The following CAMTA1 variants were observed in gnomAD, a reference collection of about 807,000 sequenced individuals.
CAMTA1 encodes the protein calmodulin binding transcription activator 1, also known as calmodulin-binding transcription activator 1.
In CAMTA1, 27 loss-of-function variants were observed where a neutral mutation model predicts 170.9. That is an observed-to-expected ratio of 0.16 (90% confidence interval 0.12 to 0.22). The LOEUF is 0.22. Among genes scored for constraint, CAMTA1 ranks in the 10% least tolerant of loss-of-function variants. CAMTA1 has a pLI of 1.00. For synonymous variants in CAMTA1, 833 were observed against 891.5 expected (o/e 0.93, Z 1.17); for missense variants, 1,619 against 2,217.2 (o/e 0.73, Z 5.42).
At chr1:7,187,216 C>T (rs1312451914) in intron 4 of CAMTA1, among the ~76,000 whole-genome samples, 2 of 152,148 alleles carry the variant, frequency 1.3e-5, no homozygotes, top group East Asian at 3.9e-4. Context: ...AGGAAGCAGT[C>T]CCAGACTCAA....
At position 7,298,754 on chromosome 1, in the gene CAMTA1, T is replaced by C. The variant is rs141251558; in HGVS notation, c.438+49128T>C. Among the ~76,000 whole-genome samples, 221 of 152,304 alleles carry C rather than the reference T, an allele frequency of 1.5e-3. 1 individual carries two copies. Among genetic ancestry groups the C allele is most frequent in the African/African-American group, 5.1e-3 (212 of 41,556 alleles). Reference sequence around the variant, plus strand: ...AAATGCCAGGCATTGTGTTAGGTTCTGAAGCTCTCCCAGTTCCTTATCCAG... The same window carrying C: ...AAATGCCAGGCATTGTGTTAGGTTCCGAAGCTCTCCCAGTTCCTTATCCAG... On this transcript the variant is annotated intron_variant, in intron 5 of 22. Transcript: ENST00000303635.
intron 7 of CAMTA1, 113 bp downstream of exon 7, chr1:7,640,666 C>A (rs2095753689): frequency 8.0e-7 from 1 of 1,254,346 alleles, no homozygotes; most frequent in Non-Finnish European, 1.1e-6. Flanking sequence ...GGAGCCCCAT[C>A]TTGCTGGAAT....
At chr1:7,011,926 C>A (rs1329799843) in intron 3 of CAMTA1, among the ~76,000 whole-genome samples, 1 of 152,204 alleles carries the variant, frequency 6.6e-6, no homozygotes, top group African/African-American at 2.4e-5. Flanking sequence ...TGTCTCTCCG[C>A]CCCACTCCTC....
rs70987362 is a variant in CAMTA1, at chr1:7,680,861, CCAGCAGCAGCAG to C, written c.2914+3139_2914+3150del. On this transcript the variant is annotated intron_variant, in intron 11 of 22. Coordinates refer to ENST00000303635, the MANE Select transcript of CAMTA1 (RefSeq NM_015215.4). This position sits in a 1 kb window ranked among gnomAD's most constrained non-coding sequence, Gnocchi z 4.4. The stretch of plus-strand genomic sequence containing the variant: ...GAGAACACGCGCGCGCGCGCGCGCG[CCAGCAGCAGCAG>C]CAGCAGCAGCTGCTGCGGCGAAGTC... Among the ~76,000 whole-genome samples, 12 of 136,510 alleles carry C rather than the reference CCAGCAGCAGCAG, an allele frequency of 8.8e-5. No homozygotes were observed. The highest frequency in any genetic ancestry group is 1.3e-4 in the Non-Finnish European group (8 of 61,388). 89.6% of individuals were successfully genotyped at this position (136,510 alleles called of 152,430 possible). A position where few individuals can be genotyped will look rare whatever the true frequency, so the allele number is the denominator to read the frequency against.
chr1:7,393,479 T>A (rs548658425), intron 5 of CAMTA1, among the ~76,000 whole-genome samples: 2 of 152,304 alleles, frequency 1.3e-5, no homozygotes, highest in Admixed American at 1.3e-4. Flanking sequence ...GGTCTCCCTA[T>A]GTTGCCCAGG....
At chr1:7,129,137 C>G (rs1055096577) in intron 4 of CAMTA1, among the ~76,000 whole-genome samples, 3 of 152,066 alleles carry the variant, frequency 2.0e-5, no homozygotes, top group African/African-American at 7.2e-5. Flanking sequence ...CACGCCCAGC[C>G]TAGCCCCATT....
chr1:7,459,315 A>G (rs148043418), intron 5 of CAMTA1, among the ~76,000 whole-genome samples: 8 of 152,292 alleles, frequency 5.3e-5, no homozygotes, highest in African/African-American at 1.7e-4. Context: ...GGGTAAGAGG[A>G]ATCCATGTCA....
chr1:7,053,112 T>C (rs1706706203), intron 3 of CAMTA1, among the ~76,000 whole-genome samples: 1 of 152,200 alleles, frequency 6.6e-6, no homozygotes. Flanking sequence ...TGGACCCTCA[T>C]GCTCCTTGCC....
At chr1:6,987,385 G>T (rs2412217) in intron 3 of CAMTA1, among the ~76,000 whole-genome samples, 21,888 of 152,146 alleles carry the variant, frequency 0.14, 1,633 homozygotes, top group East Asian at 0.2. Flanking sequence ...GGCTGGTCTC[G>T]AACTCCTGAC....
At chr1:6,982,234 C>T (rs545848225) in intron 3 of CAMTA1, among the ~76,000 whole-genome samples, 23 of 152,240 alleles carry the variant, frequency 1.5e-4, no homozygotes, top group African/African-American at 4.3e-4. Flanking sequence ...CTGGTAGGTG[C>T]GCCGATGGCC....
chr1:7,738,404 G>A lies in CAMTA1; in HGVS notation c.4104G>A (p.Glu1368=), dbSNP rs1440619796. The change falls in exon 16 of 23, where the codon GAG becomes GAA. Residue 1368 remains glutamate, a synonymous_variant. Coordinates refer to ENST00000303635, the MANE Select transcript of CAMTA1 (RefSeq NM_015215.4). This position sits in a 1 kb window ranked among gnomAD's most constrained non-coding sequence, Gnocchi z 4.9. The stretch of plus-strand genomic sequence containing the variant: ...GTGTCCTGATGATGGCTAACAGAGA[G>A]GTGGTGAATACAGAGCTGGGGTCCT... The part of the protein sequence containing the change: ...PMSVLMMANR[E]VVNTELGSYR... The A allele has an allele frequency of 1.5e-5, 25 of 1,614,078 alleles. No homozygotes were observed. Among genetic ancestry groups the A allele is most frequent in the Non-Finnish European group, 2.1e-5 (25 of 1,180,052 alleles).
chr1:6,865,743 T>C (rs983582309), intron 3 of CAMTA1, among the ~76,000 whole-genome samples: 1 of 152,214 alleles, frequency 6.6e-6, no homozygotes, highest in Admixed American at 6.5e-5. Context: ...GATGTTACTG[T>C]TCTCATGTTG....
rs1362713070 is a variant in CAMTA1, at chr1:7,547,830, C to T, written c.510+79929C>T. ...TCACATCTCTGCCACCCCATGTGGG[C>T]CCCCTCCAAACCCAGACTCTGACAC... On this transcript the variant is annotated intron_variant, in intron 6 of 22. Transcript: ENST00000303635. This position sits in a 1 kb window ranked among gnomAD's most constrained non-coding sequence, Gnocchi z 5.7. Among the ~76,000 whole-genome samples, 4 of 116,126 alleles carry T rather than the reference C, an allele frequency of 3.4e-5. No individual in the cohort carries two copies. Among genetic ancestry groups the T allele is most frequent in the Middle Eastern group, 0.011 (2 of 188 alleles). 76.2% of individuals were successfully genotyped at this position (116,126 alleles called of 152,430 possible). A position where few individuals can be genotyped will look rare whatever the true frequency, so the allele number is the denominator to read the frequency against.
At chr1:6,876,365 ATTT>A (rs879507510) in intron 3 of CAMTA1, among the ~76,000 whole-genome samples, 1 of 145,396 alleles carries the variant, frequency 6.9e-6, no homozygotes. Context: ...TAATTAATTA[ATTT>A]TTTTTTTTTT....
intron 4 of CAMTA1, among the ~76,000 whole-genome samples, chr1:7,101,229 C>T (rs543520386): frequency 8.5e-5 from 13 of 152,162 alleles, no homozygotes; most frequent in South Asian, 2.1e-4. Flanking sequence ...ATTTCTGTCA[C>T]GGGCGTGGAT....
chr1:6,890,209 C>T (rs1157155790), intron 3 of CAMTA1, among the ~76,000 whole-genome samples: 1 of 152,194 alleles, frequency 6.6e-6, no homozygotes, highest in African/African-American at 2.4e-5. Context: ...CAGTTTCCTA[C>T]TCCATTAAGC....
chr1:7,523,681 A>G (rs755152867), intron 6 of CAMTA1, among the ~76,000 whole-genome samples: 9 of 150,852 alleles, frequency 6.0e-5, no homozygotes, highest in Non-Finnish European at 1.3e-4. Context: ...GATCAAGACC[A>G]TCCTGGCTAA....
At chr1:7,306,452 A>G (rs1183579001) in intron 5 of CAMTA1, among the ~76,000 whole-genome samples, 1 of 151,766 alleles carries the variant, frequency 6.6e-6, no homozygotes, top group African/African-American at 2.4e-5. Context: ...GTATTTGTGG[A>G]GTTTATTTCT....
chr1:7,382,472 C>T (rs1340150304), intron 5 of CAMTA1: 1 of 152,204 alleles, frequency 6.6e-6, no homozygotes, highest in African/African-American at 2.4e-5. Flanking sequence ...CATCATTCCC[C>T]AGGACAGGCA....
Sources: allele counts gnomAD v4.1 joint callset (sites outside exome capture counted in the v4.1 genomes callset), GRCh38; gene constraint gnomAD v4.1.1; non-coding constraint Gnocchi (gnomAD v3.1); transcripts MANE v1.5; gene names NCBI Gene and HGNC (gene_info 2026-07-23, HGNC 2026-07-21).